CADPS: variants seen among roughly 807,000 people sequenced by gnomAD.
CADPS encodes calcium-dependent secretion activator 1.
A neutral mutation model predicts 167.3 loss-of-function variants in CADPS; 57 were observed. That is an observed-to-expected ratio of 0.34 (90% CI 0.28 to 0.42). The LOEUF (loss-of-function observed/expected upper bound fraction) is 0.42, where lower values mean the gene tolerates loss of function less well. CADPS is among the 20% of genes least tolerant of loss of function. The probability of loss-of-function intolerance (pLI) is 1.00; values close to 1 mark genes in which losing one functional copy is unlikely to be tolerated. For synonymous variants in CADPS, 676 were observed against 635.3 expected, an observed-to-expected ratio of 1.06 and a Z score of -0.96; for missense variants, 1,414 against 1,738.1, an observed-to-expected ratio of 0.81 and a Z score of 3.32.
intron 17 of CADPS, among the ~76,000 whole-genome samples, chr3:62,510,280 T>C (rs951691727): frequency 1.1e-4 from 16 of 152,126 alleles, no homozygotes; most frequent in African/African-American, 3.9e-4. Flanking sequence ...TGTCTACAAA[T>C]CATCATCTGT....
At chr3:62,772,797 G>A (rs1161589144) in intron 1 of CADPS, among the ~76,000 whole-genome samples, 1 of 152,140 alleles carries the variant, frequency 6.6e-6, no homozygotes, top group Non-Finnish European at 1.5e-5. Context: ...GAAGGGAGAA[G>A]CAATGCTTAT....
chr3:62,625,602 T>C (rs1164436434), intron 6 of CADPS: 1 of 150,964 alleles, frequency 6.6e-6, no homozygotes, highest in African/African-American at 2.5e-5. Context: ...TCAGCCTATA[T>C]TTATAGATTT....
chr3:62,677,639 G>A (rs1276169621), intron 3 of CADPS, among the ~76,000 whole-genome samples: 1 of 152,104 alleles, frequency 6.6e-6, no homozygotes, highest in East Asian at 1.9e-4. Context: ...AAACCCTGCT[G>A]TAAATGCTGA....
chr3:62,474,393 G>T, intron 23 of CADPS, 73 bp from the exon 24 acceptor site: 1 of 1,437,248 alleles, frequency 7.0e-7, no homozygotes, highest in Non-Finnish European at 9.7e-7. Flanking sequence ...TTTTCTGAGA[G>T]GTCAGTGAAA....
At chr3:62,495,435 C>T (rs1370593580) in intron 18 of CADPS, among the ~76,000 whole-genome samples, 1 of 152,182 alleles carries the variant, frequency 6.6e-6, no homozygotes, top group Admixed American at 6.5e-5. Context: ...TATGCTTGCT[C>T]ATACAGGTGA....
intron 24 of CADPS, chr3:62,466,717 G>A (rs1169793808): frequency 2.7e-6 from 1 of 370,510 alleles, no homozygotes; most frequent in Non-Finnish European, 5.1e-6. Flanking sequence ...CCAGCAGTGT[G>A]TTGATTTGGA....
chr3:62,647,557 C>A (rs1037785572), intron 5 of CADPS, among the ~76,000 whole-genome samples: 6 of 152,162 alleles, frequency 3.9e-5, no homozygotes, highest in Admixed American at 3.9e-4. Flanking sequence ...CTTCATTTTT[C>A]TTTCAAATCT....
At chr3:62,623,603 CCTT>C (rs1273868691) in intron 6 of CADPS, among the ~76,000 whole-genome samples, 1 of 152,100 alleles carries the variant, frequency 6.6e-6, no homozygotes, top group Non-Finnish European at 1.5e-5. Context: ...AATTCCTAGT[CCTT>C]CTGCATGCTA....
chr3:62,750,229 T>C (rs1333145266), intron 3 of CADPS, among the ~76,000 whole-genome samples: 1 of 151,712 alleles, frequency 6.6e-6, no homozygotes, highest in Non-Finnish European at 1.5e-5. Flanking sequence ...CACGTGCCTG[T>C]AATCCCAGCT....
chr3:62,549,979 C>A lies in CADPS; in HGVS notation c.1890G>T (p.Val630=), dbSNP rs759846960. 1 of 1,614,108 alleles carries A rather than the reference C, an allele frequency of 6.2e-7. No individual in the cohort carries two copies. Among genetic ancestry groups the A allele is most frequent in the South Asian group, 1.1e-5 (1 of 91,076 alleles). Residue 630 remains valine, a synonymous_variant, in exon 11 of 30, where the codon GTG becomes GTT. Coordinates refer to ENST00000383710, the MANE Select transcript of CADPS (RefSeq NM_003716.4). Reference sequence around the variant, plus strand: ...TGAGTTTCTGGACTTGGGTCGGGGGCACAGGCTTGTGTGACTGCCCCGTGG... The same window carrying A: ...TGAGTTTCTGGACTTGGGTCGGGGGAACAGGCTTGTGTGACTGCCCCGTGG... ...YRATGQSHKP[V]PPTQVQKLNA... is the part of the protein sequence containing the mutation.
Position 62,407,304 on chromosome 3 carries a change from A to G in CADPS, c.3778-4119T>C, listed in dbSNP as rs529276289. Among the ~76,000 whole-genome samples, 3 of 152,366 alleles carry G rather than the reference A, an allele frequency of 2.0e-5. No individual in the cohort carries two copies. The South Asian group carries it at 6.2e-4, about 32-fold the overall frequency. On this transcript the variant is annotated intron_variant, in intron 28 of 29. Transcript: ENST00000383710. Reference sequence around the variant, plus strand: ...TTGGAATATTTCTGGAATTGTATGCATGCCTTATAGGACACACAAGTAGCC... The same window carrying G: ...TTGGAATATTTCTGGAATTGTATGCGTGCCTTATAGGACACACAAGTAGCC...
chr3:62,829,887 C>T (rs190159501), intron 1 of CADPS, among the ~76,000 whole-genome samples: 7 of 152,256 alleles, frequency 4.6e-5, no homozygotes, highest in Admixed American at 4.6e-4. Context: ...ATTTCCACCT[C>T]CTACTTGACT....
chr3:62,807,145 C>G (rs1340619264), intron 1 of CADPS, among the ~76,000 whole-genome samples: 1 of 152,128 alleles, frequency 6.6e-6, no homozygotes, highest in Non-Finnish European at 1.5e-5. Context: ...CCACAAATGT[C>G]TAAATGTCTT....
intron 17 of CADPS, 103 bp from the exon 18 acceptor site, chr3:62,499,371 T>A (rs983157321): frequency 8.0e-5 from 58 of 726,500 alleles, no homozygotes; most frequent in East Asian, 8.1e-5. Flanking sequence ...ATCAGTTTTT[T>A]AAAAAAAATT....
chr3:62,452,755 A>G (rs2058232141), intron 26 of CADPS, among the ~76,000 whole-genome samples: 1 of 152,214 alleles, frequency 6.6e-6, no homozygotes, highest in Non-Finnish European at 1.5e-5. Context: ...GATGATGTAA[A>G]GTGAGCTGAA....
At chr3:62,509,304 A>AG (rs1340791262) in intron 17 of CADPS, among the ~76,000 whole-genome samples, 1 of 138,988 alleles carries the variant, frequency 7.2e-6, no homozygotes, top group East Asian at 2.1e-4. Context: ...AAAAAAAAAA[A>AG]AAAGAAAGAA....
intron 1 of CADPS, among the ~76,000 whole-genome samples, chr3:62,827,434 T>C (rs2074271772): frequency 6.6e-6 from 1 of 152,182 alleles, no homozygotes; most frequent in Admixed American, 6.5e-5. Context: ...GCACATACTT[T>C]AATACCCATT....
intron 24 of CADPS, among the ~76,000 whole-genome samples, chr3:62,472,116 G>A (rs1432968779): frequency 1.3e-5 from 2 of 152,152 alleles, no homozygotes; most frequent in African/African-American, 2.4e-5. Flanking sequence ...GCCACATATT[G>A]TATGATTTTG....
At chr3:62,839,205 G>GT (rs931032736) in intron 1 of CADPS, among the ~76,000 whole-genome samples, 5 of 151,922 alleles carry the variant, frequency 3.3e-5, no homozygotes, top group African/African-American at 9.7e-5. Context: ...TTTTGTTGTT[G>GT]TTTTTTTGAG....
Sources: allele counts gnomAD v4.1 joint callset (sites outside exome capture counted in the v4.1 genomes callset), GRCh38; gene constraint gnomAD v4.1.1; transcripts MANE v1.5; gene names NCBI Gene and HGNC (gene_info 2026-07-23, HGNC 2026-07-21).